Variants in KCNQ5 observed in about 807,000 individuals in gnomAD.
KCNQ5 encodes potassium voltage-gated channel subfamily KQT member 5.
In KCNQ5, 30 loss-of-function variants were observed where a neutral mutation model predicts 98.2. The observed-to-expected ratio is 0.31, with a 90% CI of 0.23 to 0.41. The LOEUF (loss-of-function observed/expected upper bound fraction) is 0.41, where lower values mean the gene tolerates loss of function less well. Ranked by LOEUF, KCNQ5 falls within the 10% of genes least tolerant of loss-of-function variation. The pLI, the probability that KCNQ5 is intolerant of heterozygous loss-of-function variation, is 1.00. For missense variants in KCNQ5, 835 were observed against 1,182.5 expected (o/e 0.71, Z 4.31); for synonymous variants, 458 against 449.4 (o/e 1.02, Z -0.24).
intron 1 of KCNQ5, among the ~76,000 whole-genome samples, chr6:72,733,443 A>G (rs1411261696): frequency 6.6e-6 from 1 of 152,240 alleles, no homozygotes; most frequent in Non-Finnish European, 1.5e-5. Context: ...TGAGGAGTGC[A>G]TGAGCACCAA....
chr6:72,893,126 G>A (rs1779118997), intron 1 of KCNQ5, among the ~76,000 whole-genome samples: 1 of 152,170 alleles, frequency 6.6e-6, no homozygotes, highest in Admixed American at 6.5e-5. Flanking sequence ...CAGCAGAAGA[G>A]TAGGGTAGAG....
intron 7 of KCNQ5, among the ~76,000 whole-genome samples, chr6:73,119,825 CA>C (rs1390477099): frequency 2.4e-4 from 37 of 152,280 alleles, no homozygotes; most frequent in African/African-American, 8.7e-4. Context: ...TGGATATTAG[CA>C]TTTAACCAGT....
intron 1 of KCNQ5, among the ~76,000 whole-genome samples, chr6:72,984,968 A>C (rs184821908): frequency 1.3e-5 from 2 of 150,808 alleles, no homozygotes; most frequent in Non-Finnish European, 2.9e-5. Flanking sequence ...GCACTTTGTG[A>C]GGGCAATGCA....
At chr6:73,130,644 T>G (rs1776194142) in intron 9 of KCNQ5, among the ~76,000 whole-genome samples, 1 of 151,922 alleles carries the variant, frequency 6.6e-6, no homozygotes, top group South Asian at 2.1e-4. Flanking sequence ...CAGTGAAGAG[T>G]CTATATTTTT....
At chr6:72,871,565 C>A (rs763942537) in intron 1 of KCNQ5, among the ~76,000 whole-genome samples, 1 of 152,220 alleles carries the variant, frequency 6.6e-6, no homozygotes, top group Middle Eastern at 3.4e-3. Flanking sequence ...TATAATAACT[C>A]GCTTGTAGTT....
rs528583743 is a variant in KCNQ5, at chr6:72,800,462, G to A, written c.398+177875G>A. The stretch of plus-strand genomic sequence containing the variant: ...TGGTAGTTTGTATTTCTGTGGGATC[G>A]GTGGTGATATCCCCTTTATCAGTTT... On this transcript the variant is annotated intron_variant, in intron 1 of 13. Transcript: ENST00000370398. Among the ~76,000 whole-genome samples, 257 of 152,116 alleles carry A rather than the reference G, an allele frequency of 1.7e-3. 2 individuals are homozygous for A. Among genetic ancestry groups the A allele is most frequent in the Admixed American group, 3.9e-3 (59 of 15,280 alleles).
intron 1 of KCNQ5, among the ~76,000 whole-genome samples, chr6:72,845,355 C>G (rs1776975002): frequency 6.6e-6 from 1 of 152,178 alleles, no homozygotes; most frequent in African/African-American, 2.4e-5. Context: ...ATTCAGCTAT[C>G]AGAAACAGTA....
At chr6:72,884,714 T>C (rs545226637) in intron 1 of KCNQ5, among the ~76,000 whole-genome samples, 4 of 152,236 alleles carry the variant, frequency 2.6e-5, no homozygotes, top group African/African-American at 9.6e-5. Flanking sequence ...CCTCCTGGGC[T>C]TAATCAATCC....
chr6:72,779,087 G>C (rs184547538), intron 1 of KCNQ5, among the ~76,000 whole-genome samples: 43 of 152,306 alleles, frequency 2.8e-4, no homozygotes, highest in Non-Finnish European at 5.4e-4. Flanking sequence ...AAATTGGAAG[G>C]AGAAAGGCAA....
At chr6:72,743,241 T>A (rs1228335772) in intron 1 of KCNQ5, among the ~76,000 whole-genome samples, 1 of 151,948 alleles carries the variant, frequency 6.6e-6, no homozygotes, top group African/African-American at 2.4e-5. Context: ...AATAACAGCA[T>A]TAATAAATAG....
At chr6:72,790,260 A>G (rs1424502265) in intron 1 of KCNQ5, among the ~76,000 whole-genome samples, 1 of 152,184 alleles carries the variant, frequency 6.6e-6, no homozygotes, top group Non-Finnish European at 1.5e-5. Flanking sequence ...TCCTCAATAT[A>G]AATGATAAGG....
chr6:72,954,531 CTGTGTGTGTGTGTGTG>C lies in KCNQ5; in HGVS notation c.399-49359_399-49344del, dbSNP rs3068309. ...TCTCGGAAGATCTTTCAAGACTTTT[CTGTGTGTGTGTGTGTG>C]TGTGTGTGTGTGTGTGTTGATAAAA... On this transcript the variant is annotated intron_variant, in intron 1 of 13. Transcript: ENST00000370398. 2.7e-3 allele frequency among the ~76,000 whole-genome samples: 413 copies of C among 150,556 alleles called. 6 individuals carry two copies. Among genetic ancestry groups the C allele is most frequent in the East Asian group, 0.023 (120 of 5,118 alleles).
chr6:72,764,718 A>G (rs1772475083), intron 1 of KCNQ5, among the ~76,000 whole-genome samples: 1 of 151,762 alleles, frequency 6.6e-6, no homozygotes, highest in Non-Finnish European at 1.5e-5. Context: ...CATTCTCTCT[A>G]TTTTTTGTAC....
At chr6:73,111,904 C>A (rs1318615123) in intron 7 of KCNQ5, among the ~76,000 whole-genome samples, 2 of 152,076 alleles carry the variant, frequency 1.3e-5, no homozygotes, top group African/African-American at 2.4e-5. Context: ...AAATAGCTAT[C>A]CTATTTTGAG....
At chr6:72,672,619 C>T (rs1252926146) in intron 1 of KCNQ5, among the ~76,000 whole-genome samples, 1 of 152,088 alleles carries the variant, frequency 6.6e-6, no homozygotes, top group African/African-American at 2.4e-5. Context: ...AAGTGACAAC[C>T]TCCTGGGGCT....
chr6:73,121,828 C>T (rs971407602), intron 8 of KCNQ5, among the ~76,000 whole-genome samples: 6 of 152,124 alleles, frequency 3.9e-5, no homozygotes, highest in Non-Finnish European at 7.4e-5. Flanking sequence ...CTCAGTTTTC[C>T]CACCCACAAA....
intron 1 of KCNQ5, among the ~76,000 whole-genome samples, chr6:72,985,794 C>T (rs551325756): frequency 2.4e-4 from 37 of 152,280 alleles, no homozygotes; most frequent in African/African-American, 8.7e-4. Flanking sequence ...TTTGACCCAG[C>T]AATACCATTA....
chr6:72,669,465 C>G (rs1315613985), intron 1 of KCNQ5, among the ~76,000 whole-genome samples: 1 of 152,226 alleles, frequency 6.6e-6, no homozygotes, highest in African/African-American at 2.4e-5. Context: ...GGCAGCATCA[C>G]TGCCACAGCT....
chr6:72,875,389 C>T (rs1225570115), intron 1 of KCNQ5, among the ~76,000 whole-genome samples: 1 of 152,168 alleles, frequency 6.6e-6, no homozygotes, highest in Non-Finnish European at 1.5e-5. Context: ...GTAAACTTTT[C>T]TCCATGTTGG....
Sources: allele counts gnomAD v4.1 joint callset (sites outside exome capture counted in the v4.1 genomes callset), GRCh38; gene constraint gnomAD v4.1.1; transcripts MANE v1.5; gene names NCBI Gene and HGNC (gene_info 2026-07-23, HGNC 2026-07-21).